IPCEF1: variants seen among roughly 807,000 people sequenced by gnomAD.
IPCEF1 encodes the protein interactor protein for cytohesin exchange factors 1.
Under a neutral mutation model 50.9 loss-of-function variants are expected in IPCEF1, and 31 were observed. That is an observed-to-expected ratio of 0.61 (90% CI 0.46 to 0.82). IPCEF1 has a LOEUF of 0.82. Ranked by LOEUF, IPCEF1 falls within the 40% of genes least tolerant of loss-of-function variation. IPCEF1 has a pLI of 0.00. For synonymous variants in IPCEF1, 181 were observed against 192.0 expected (o/e 0.94, Z 0.47); for missense variants, 458 against 514.0 (o/e 0.89, Z 1.05).
chr6:154,161,648 G>A (rs1799026998), intron 11 of IPCEF1, among the ~76,000 whole-genome samples: 1 of 152,120 alleles, frequency 6.6e-6, no homozygotes, highest in South Asian at 2.1e-4. Context: ...TGCCCTCTGA[G>A]AACTTACCGA....
At chr6:154,175,525 C>G (rs1228540551) in intron 10 of IPCEF1, among the ~76,000 whole-genome samples, 1 of 151,946 alleles carries the variant, frequency 6.6e-6, no homozygotes, top group Non-Finnish European at 1.5e-5. Flanking sequence ...AAACTACCAT[C>G]AGAGAATACT....
intron 9 of IPCEF1, among the ~76,000 whole-genome samples, chr6:154,203,396 G>A (rs1562539255): frequency 6.6e-6 from 1 of 152,102 alleles, no homozygotes; most frequent in Non-Finnish European, 1.5e-5. Flanking sequence ...TTACACAGTT[G>A]TCCCTTGAAC....
At chr6:154,303,962 T>C (rs1782865139) in intron 1 of IPCEF1, among the ~76,000 whole-genome samples, 1 of 151,738 alleles carries the variant, frequency 6.6e-6, no homozygotes, top group Admixed American at 6.6e-5. Context: ...CAAGGGGGCA[T>C]GCATCTGTGG....
intron 1 of IPCEF1, among the ~76,000 whole-genome samples, chr6:154,294,925 G>A (rs925701534): frequency 2.8e-4 from 43 of 152,104 alleles, no homozygotes; most frequent in Admixed American, 2.0e-3. Flanking sequence ...TTGGCCGGGC[G>A]TGGTAACTCA....
chr6:154,318,712 C>CAAAA (rs57436031), intron 1 of IPCEF1, among the ~76,000 whole-genome samples: 25 of 98,774 alleles, frequency 2.5e-4, no homozygotes, highest in African/African-American at 6.0e-4. Context: ...GACCCTGTCT[C>CAAAA]AAAAAAAAAA....
intron 11 of IPCEF1, among the ~76,000 whole-genome samples, chr6:154,162,849 C>T (rs1475482427): frequency 2.0e-5 from 3 of 152,168 alleles, no homozygotes; most frequent in Non-Finnish European, 4.4e-5. Flanking sequence ...CACATCAACC[C>T]CTAAGAGGCA....
At chr6:154,177,447 A>G (rs991700775) in intron 10 of IPCEF1, among the ~76,000 whole-genome samples, 1 of 152,224 alleles carries the variant, frequency 6.6e-6, no homozygotes, top group Non-Finnish European at 1.5e-5. Context: ...TATAAGAAAA[A>G]AACAAACAAC....
At chr6:154,244,563 G>A (rs1192859558) in intron 5 of IPCEF1, among the ~76,000 whole-genome samples, 1 of 152,120 alleles carries the variant, frequency 6.6e-6, no homozygotes, top group Non-Finnish European at 1.5e-5. Context: ...TGTATCTAAG[G>A]CTCTATCCCT....
At chr6:154,228,628 A>G (rs1779461349) in intron 5 of IPCEF1, among the ~76,000 whole-genome samples, 1 of 152,196 alleles carries the variant, frequency 6.6e-6, no homozygotes, top group South Asian at 2.1e-4. Flanking sequence ...ACATATTTTT[A>G]TGAAAATGGC....
chr6:154,235,383 T>A (rs1432264547), intron 5 of IPCEF1, among the ~76,000 whole-genome samples: 3 of 151,890 alleles, frequency 2.0e-5, no homozygotes, highest in Non-Finnish European at 4.4e-5. Flanking sequence ...ATACAAAAAA[T>A]TAGCTGGGTG....
At position 154,155,405 on chromosome 6, in the gene IPCEF1, G is replaced by C. The variant is rs1279756705; in HGVS notation, c.*4423C>G. 6.6e-6 allele frequency: 1 copy of C among 152,196 alleles called. No individual in the cohort carries two copies. The highest frequency in any genetic ancestry group is 1.5e-5 in the Non-Finnish European group (1 of 68,032). 9.4% of individuals were successfully genotyped at this position (152,196 alleles called of 1,614,324 possible). On this transcript the variant is annotated 3_prime_UTR_variant, in exon 12 of 12. Coordinates refer to ENST00000367220, the MANE Select transcript of IPCEF1 (RefSeq NM_001130700.2). Reference sequence around the variant, plus strand: ...AACCACAATTGGATATCATATTCTTGTTAGACTGAAGAAGAAATGCCCCCT... The same window carrying C: ...AACCACAATTGGATATCATATTCTTCTTAGACTGAAGAAGAAATGCCCCCT...
At chr6:154,297,972 G>A (rs929575993) in intron 1 of IPCEF1, among the ~76,000 whole-genome samples, 13 of 152,192 alleles carry the variant, frequency 8.5e-5, no homozygotes, top group African/African-American at 3.1e-4. Context: ...GCTGTTGAGC[G>A]TGAGGTCCCA....
At chr6:154,354,809 C>A (rs995472494) in intron 1 of IPCEF1, among the ~76,000 whole-genome samples, 1 of 152,152 alleles carries the variant, frequency 6.6e-6, no homozygotes, top group Non-Finnish European at 1.5e-5. Context: ...TTTTAAAGTG[C>A]CTGAGTAACA....
intron 1 of IPCEF1, among the ~76,000 whole-genome samples, chr6:154,298,949 C>T (rs1489026606): frequency 2.7e-5 from 3 of 110,178 alleles, no homozygotes; most frequent in African/African-American, 6.1e-5. Context: ...GCAACAAGAG[C>T]GAAACTCCAT....
At position 154,344,248 on chromosome 6, in the gene IPCEF1, G is replaced by A. The variant is rs1584010556; in HGVS notation, c.-62+12424C>T. 2.6e-5 allele frequency among the ~76,000 whole-genome samples: 4 copies of A among 152,246 alleles called. No individual in the cohort carries two copies. In the South Asian group the frequency reaches 8.3e-4, roughly 32 times the overall value. Reference sequence around the variant, plus strand: ...TGCTCCTTAAAACCACTCCACGTGTGTCCGTGTCGTTTTATCTAATTCACA... The same window carrying A: ...TGCTCCTTAAAACCACTCCACGTGTATCCGTGTCGTTTTATCTAATTCACA... On this transcript the variant is annotated intron_variant, in intron 1 of 11. Transcript: ENST00000367220.
chr6:154,184,310 C>A (rs1047935842), intron 10 of IPCEF1, among the ~76,000 whole-genome samples: 2 of 151,974 alleles, frequency 1.3e-5, no homozygotes, highest in Non-Finnish European at 2.9e-5. Context: ...TTGGAAATCA[C>A]CTACATTTCC....
intron 1 of IPCEF1, among the ~76,000 whole-genome samples, chr6:154,299,798 G>A (rs956178406): frequency 1.4e-5 from 2 of 140,134 alleles, no homozygotes; most frequent in African/African-American, 5.1e-5. Flanking sequence ...TGGATGGATA[G>A]AGGGATGGAT....
chr6:154,288,676 C>CAAAAAAAAAAAAAAAAAAAAAAAAAA (rs558703057), intron 2 of IPCEF1, among the ~76,000 whole-genome samples: 1 of 46,888 alleles, frequency 2.1e-5, no homozygotes, highest in African/African-American at 6.3e-5. Context: ...ACAAAAAAAA[C>CAAAAAAAAAAAAAAAAAAAAAAAAAA]AAAAAAAAAA....
chr6:154,197,940 C>T (rs1019832559), intron 10 of IPCEF1, among the ~76,000 whole-genome samples: 12 of 152,110 alleles, frequency 7.9e-5, no homozygotes, highest in African/African-American at 2.9e-4. Context: ...TCTTTAGTTT[C>T]ACCAGTCCTA....
Sources: gnomAD v4.1 joint callset for allele counts (sites outside exome capture counted in the v4.1 genomes callset) on GRCh38, gnomAD v4.1.1 for gene constraint, MANE v1.5 for transcripts, NCBI Gene and HGNC (gene_info 2026-07-23, HGNC 2026-07-21) for gene names.